Variants in PALMD observed in about 807,000 individuals in gnomAD.
The protein encoded by PALMD is palmdelphin, also known as paralemmin-like protein.
Under a neutral mutation model 56.2 loss-of-function variants are expected in PALMD, and 42 were observed. That is an observed-to-expected ratio of 0.75 (90% CI 0.58 to 0.97). PALMD has a LOEUF of 0.97. Ranked by LOEUF, PALMD falls within the 50% of genes least tolerant of loss-of-function variation. PALMD has a pLI of 0.00. For synonymous variants in PALMD, 242 were observed against 222.9 expected, an observed-to-expected ratio of 1.09 and a Z score of -0.76; for missense variants, 660 against 643.8, an observed-to-expected ratio of 1.03 and a Z score of -0.27.
chr1:99,678,086 A>C (rs183322058), intron 3 of PALMD, among the ~76,000 whole-genome samples: 2 of 151,822 alleles, frequency 1.3e-5, no homozygotes, highest in African/African-American at 2.4e-5. Flanking sequence ...GCAAACTAAG[A>C]AGGAGAAAAG....
chr1:99,688,977 A>G lies in PALMD; in HGVS notation c.717A>G (p.Val239=). The G allele has an allele frequency of 6.2e-7, 1 of 1,613,748 alleles. No individual in the cohort carries two copies. The highest frequency in any genetic ancestry group is 1.1e-5 in the South Asian group (1 of 91,072). The stretch of plus-strand genomic sequence containing the variant: ...CCGATGGCCTGGCACCAGTTGAAGT[A>G]GAGGAACTTCTAAGACAAGCCTCAG... ...NGTDGLAPVE[V]EELLRQASER... Residue 239 remains valine (V), a synonymous_variant, in exon 7 of 8, where the codon GTA becomes GTG. Coordinates refer to ENST00000263174, the MANE Select transcript of PALMD (RefSeq NM_017734.5).
rs1391039654 is a variant in PALMD, at chr1:99,646,243, C to CT, written c.-74dup. 8.4e-7 allele frequency: 1 copy of CT among 1,184,120 alleles called. No homozygotes were observed. 73.4% of individuals were successfully genotyped at this position (1,184,120 alleles called of 1,614,324 possible). A position where few individuals can be genotyped will look rare whatever the true frequency, so the allele number is the denominator to read the frequency against. The stretch of plus-strand genomic sequence containing the variant: ...TGCTTCTCTTCTGTCACCCCCGCTC[C>CT]TCTCCCCCAGGAGGCTCCTTGATTT... On this transcript the variant is annotated 5_prime_UTR_variant, in exon 1 of 8. Transcript: ENST00000263174.
chr1:99,672,982 G>C (rs1653119860), intron 3 of PALMD, among the ~76,000 whole-genome samples: 1 of 152,090 alleles, frequency 6.6e-6, no homozygotes, highest in Non-Finnish European at 1.5e-5. Context: ...AGGTGTATGT[G>C]AAGCCTTGGA....
Position 99,656,999 on chromosome 1 carries a change from C to T in PALMD, c.46-5320C>T, listed in dbSNP as rs144258984. On this transcript the variant is annotated intron_variant, in intron 1 of 7. Coordinates refer to ENST00000263174, the MANE Select transcript of PALMD (RefSeq NM_017734.5). ...GTTATGTGGCCAAATTCACCAAGTCCTATTACAAATAATATCAGACTGATC... is the reference window on the plus strand; with the variant it reads ...GTTATGTGGCCAAATTCACCAAGTCTTATTACAAATAATATCAGACTGATC... Among the ~76,000 whole-genome samples the T allele has an allele frequency of 1.2e-3, 181 of 152,296 alleles. 1 individual carries two copies. Among genetic ancestry groups the T allele is most frequent in the African/African-American group, 4.0e-3 (168 of 41,570 alleles).
chr1:99,681,206 A>G (rs1182091159), intron 3 of PALMD, among the ~76,000 whole-genome samples: 4 of 152,022 alleles, frequency 2.6e-5, no homozygotes, highest in Admixed American at 6.6e-5. Context: ...CTGAGCAGAA[A>G]AATCCCCAGT....
At chr1:99,655,949 TGCACAC>T (rs1652715792) in intron 1 of PALMD, among the ~76,000 whole-genome samples, 1 of 31,882 alleles carries the variant, frequency 3.1e-5, no homozygotes, top group Non-Finnish European at 7.8e-5. Context: ...CACACACACA[TGCACAC>T]ACACACACAC....
chr1:99,683,059 AGAGAG>A (rs1557673815), intron 3 of PALMD, among the ~76,000 whole-genome samples: 5 of 16,222 alleles, frequency 3.1e-4, no homozygotes, highest in South Asian at 1.9e-3. Context: ...AAAGAAAGAG[AGAGAG>A]AGAGAGAGAG....
intron 1 of PALMD, among the ~76,000 whole-genome samples, chr1:99,661,019 AAG>A (rs1652836298): frequency 6.6e-6 from 1 of 152,256 alleles, no homozygotes; most frequent in Non-Finnish European, 1.5e-5. Flanking sequence ...CACATCAAAA[AAG>A]AGTTTTTATC....
intron 1 of PALMD, among the ~76,000 whole-genome samples, chr1:99,653,650 C>A (rs1354823793): frequency 6.6e-6 from 1 of 152,116 alleles, no homozygotes; most frequent in Non-Finnish European, 1.5e-5. Context: ...GTAGAAACTT[C>A]TTTATCCACG....
At chr1:99,650,934 A>T (rs1652569257) in intron 1 of PALMD, among the ~76,000 whole-genome samples, 1 of 152,222 alleles carries the variant, frequency 6.6e-6, no homozygotes, top group African/African-American at 2.4e-5. Flanking sequence ...TCATTGTATT[A>T]TTTAGAGCTC....
In PALMD at chr1:99,694,445, T is replaced by C. The variant is rs945483897; in HGVS notation, c.*383T>C. 3.7e-5 allele frequency: 6 copies of C among 163,124 alleles called. No homozygotes were observed. The highest frequency in any genetic ancestry group is 6.6e-5 in the Non-Finnish European group (5 of 75,230). The allele number at this position is 163,124 out of a possible 1,614,324, so 10.1% of individuals were successfully genotyped here. A position where few individuals can be genotyped will look rare whatever the true frequency, so the allele number is the denominator to read the frequency against. On this transcript the variant is annotated 3_prime_UTR_variant, in exon 8 of 8. Transcript: ENST00000263174. ...AAGATTGAAAGATCATAGGAAAGCA[T>C]TGCCCTTCATCACAGAAGTATTCAA...
chr1:99,691,739 G>A (rs1236869037), intron 7 of PALMD, among the ~76,000 whole-genome samples: 2 of 151,966 alleles, frequency 1.3e-5, no homozygotes, highest in African/African-American at 2.4e-5. Context: ...CCCAAAAAAC[G>A]CTTATGATAC....
chr1:99,689,865 C>T lies in PALMD; in HGVS notation c.1605C>T (p.Ser535=), dbSNP rs777891831. Residue 535 remains serine, a synonymous_variant, in exon 7 of 8, where the codon TCC becomes TCT. Transcript: ENST00000263174. ...CTGGAGATGGGACTGAGGATCCATC[C>T]TTAACAGGTAATAAAAATGACAAGG... is the stretch of plus-strand genomic sequence containing the variant. ...QTTGDGTEDP[S]LTALRMRMAK... 1 of 1,596,416 alleles carries T rather than the reference C, an allele frequency of 6.3e-7. No homozygotes were observed. The highest frequency in any genetic ancestry group is 8.5e-7 in the Non-Finnish European group (1 of 1,174,938).
Position 99,688,811 on chromosome 1 carries a change from T to G in PALMD, c.551T>G (p.Leu184Trp). The G allele has an allele frequency of 6.2e-7, 1 of 1,608,418 alleles. No individual in the cohort carries two copies. The highest frequency in any genetic ancestry group is 8.5e-7 in the Non-Finnish European group (1 of 1,176,652). The change falls in exon 7 of 8, where the codon TTG (leucine) becomes TGG (tryptophan). Residue 184 changes from leucine (L) to tryptophan (W), a missense_variant. By Grantham distance (61) the Leu-to-Trp change is moderately conservative. Coordinates refer to ENST00000263174, the MANE Select transcript of PALMD (RefSeq NM_017734.5). ...YAMEIKVEKD[L>W]KTGESTVLSS... ...ATGGAAATTAAAGTTGAAAAAGACT[T>G]GAAGACTGGAGAAAGTACAGTTCTG...
At position 99,667,701 on chromosome 1, in the gene PALMD, A is replaced by G; in HGVS notation, c.186A>G (p.Glu62=). The G allele has an allele frequency of 6.2e-7, 1 of 1,613,476 alleles. No homozygotes were observed. The highest frequency in any genetic ancestry group is 8.5e-7 in the Non-Finnish European group (1 of 1,179,516). The change falls in exon 3 of 8, where the codon GAA becomes GAG. Residue 62 remains glutamate, a synonymous_variant. Transcript: ENST00000263174. ...GAATCAGCAGCGGAAAAGAACAGGAAGAGATGAAGAAGCAAAATCAACAAG... is the reference window on the plus strand; with the variant it reads ...GAATCAGCAGCGGAAAAGAACAGGAGGAGATGAAGAAGCAAAATCAACAAG... The part of the protein sequence containing the change: ...LDGISSGKEQ[E]EMKKQNQQDQ...
chr1:99,665,612 G>A (rs991489674), intron 2 of PALMD, among the ~76,000 whole-genome samples: 8 of 151,992 alleles, frequency 5.3e-5, no homozygotes, highest in African/African-American at 1.4e-4. Flanking sequence ...AGAATGATTC[G>A]CTACTCTCTA....
chr1:99,681,258 G>C (rs1247135500), intron 3 of PALMD, among the ~76,000 whole-genome samples: 1 of 151,918 alleles, frequency 6.6e-6, no homozygotes, highest in Non-Finnish European at 1.5e-5. Context: ...TTTTTCTATA[G>C]TGGCTAATTG....
At chr1:99,686,469 G>A (rs1211466542) in intron 3 of PALMD, 4 of 351,516 alleles carry the variant, frequency 1.1e-5, no homozygotes, top group Non-Finnish European at 2.0e-5. Flanking sequence ...AAGAAAACTT[G>A]AAAATCGTTC....
At chr1:99,659,154 A>G (rs981275393) in intron 1 of PALMD, among the ~76,000 whole-genome samples, 1 of 152,260 alleles carries the variant, frequency 6.6e-6, no homozygotes, top group African/African-American at 2.4e-5. Flanking sequence ...ATATAACTAA[A>G]ATACTTACTT....
Sources: gnomAD v4.1 joint callset for allele counts (sites outside exome capture counted in the v4.1 genomes callset) on GRCh38, gnomAD v4.1.1 for gene constraint, MANE v1.5 for transcripts, NCBI Gene and HGNC (gene_info 2026-07-23, HGNC 2026-07-21) for gene names.